Variants in LRFN5 observed in about 807,000 individuals in gnomAD.
The protein encoded by LRFN5 is leucine-rich repeat and fibronectin type-III domain-containing protein 5.
Under a neutral mutation model 45.6 loss-of-function variants are expected in LRFN5, and 24 were observed. The ratio of observed to expected loss-of-function variants is 0.53; its 90% CI spans 0.38 to 0.74. The LOEUF (loss-of-function observed/expected upper bound fraction) is 0.74, where lower values mean the gene tolerates loss of function less well. Among genes scored for constraint, LRFN5 ranks in the 30% least tolerant of loss-of-function variants. LRFN5 has a pLI of 0.00. For synonymous variants in LRFN5, 340 were observed against 313.8 expected (o/e 1.08, Z -0.88); for missense variants, 776 against 861.5 (o/e 0.90, Z 1.24).
At chr14:41,822,899 T>C (rs1888168662) in intron 2 of LRFN5, among the ~76,000 whole-genome samples, 1 of 149,996 alleles carries the variant, frequency 6.7e-6, no homozygotes, top group Non-Finnish European at 1.5e-5. Flanking sequence ...ATTATATAAT[T>C]ATCTTCTGTG....
intron 2 of LRFN5, among the ~76,000 whole-genome samples, chr14:41,884,083 A>G (rs1351301931): frequency 6.6e-6 from 1 of 152,130 alleles, no homozygotes; most frequent in Non-Finnish European, 1.5e-5. Flanking sequence ...ACTGCCCCAC[A>G]AATTCAAGCC....
intron 1 of LRFN5, among the ~76,000 whole-genome samples, chr14:41,630,460 A>G (rs1888494284): frequency 6.6e-6 from 1 of 152,168 alleles, no homozygotes; most frequent in Admixed American, 6.5e-5. Context: ...CCTTAAAAAT[A>G]TGCTCTTGGA....
chr14:41,826,320 T>C (rs1888293360), intron 2 of LRFN5, among the ~76,000 whole-genome samples: 1 of 152,232 alleles, frequency 6.6e-6, no homozygotes, highest in Admixed American at 6.5e-5. Flanking sequence ...TCCTTACACA[T>C]GAAGTTCCAA....
intron 1 of LRFN5, chr14:41,700,375 AT>A (rs1024832630): frequency 5.9e-5 from 9 of 152,144 alleles, no homozygotes; most frequent in African/African-American, 1.7e-4. Flanking sequence ...GGGCAAAAAA[AT>A]ATCTGAAACT....
intron 2 of LRFN5, among the ~76,000 whole-genome samples, chr14:41,770,994 C>T (rs543046498): frequency 2.6e-5 from 4 of 152,020 alleles, no homozygotes; most frequent in South Asian, 2.1e-4. Flanking sequence ...GCCCCCTTCA[C>T]GCTTGCAGAT....
chr14:41,828,420 T>A (rs573776173), intron 2 of LRFN5, among the ~76,000 whole-genome samples: 14 of 152,146 alleles, frequency 9.2e-5, no homozygotes, highest in African/African-American at 3.4e-4. Context: ...TCACAACTTC[T>A]ACCCTAAAGC....
intron 1 of LRFN5, among the ~76,000 whole-genome samples, chr14:41,617,069 T>A (rs1182691793): frequency 6.6e-6 from 1 of 152,156 alleles, no homozygotes; most frequent in Admixed American, 6.6e-5. Flanking sequence ...AATAAGGACC[T>A]GAGGCTGAAT....
intron 1 of LRFN5, among the ~76,000 whole-genome samples, chr14:41,717,472 G>C (rs75055202): frequency 6.6e-6 from 1 of 152,206 alleles, no homozygotes; most frequent in South Asian, 2.1e-4. Context: ...TGAAGCACCA[G>C]CCTTAGAGTA....
At chr14:41,626,336 ATAAAT>A (rs1888331667) in intron 1 of LRFN5, among the ~76,000 whole-genome samples, 1 of 152,118 alleles carries the variant, frequency 6.6e-6, no homozygotes, top group East Asian at 1.9e-4. Flanking sequence ...TTTTCTATAA[ATAAAT>A]TAAAGAAATT....
chr14:41,743,172 T>G lies in LRFN5; in HGVS notation c.-196-23682T>G, dbSNP rs57372864. On this transcript the variant is annotated intron_variant, in intron 1 of 5. Transcript: ENST00000298119. ...TATCCTTGCTTGAGGAAATTTTGAT[T>G]TCATTGAAACATTTCATGTTGTGCA... Among the ~76,000 whole-genome samples, 236 of 152,288 alleles carry G rather than the reference T, an allele frequency of 1.5e-3. 1 individual carries two copies. The highest frequency in any genetic ancestry group is 5.4e-3 in the African/African-American group (226 of 41,570).
chr14:41,697,674 G>T (rs1882671682), intron 1 of LRFN5, among the ~76,000 whole-genome samples: 1 of 148,222 alleles, frequency 6.7e-6, no homozygotes, highest in Non-Finnish European at 1.5e-5. Context: ...TTTTTTGATA[G>T]GAGAGTTTCT....
chr14:41,615,265 T>C (rs1286011129), intron 1 of LRFN5, among the ~76,000 whole-genome samples: 1 of 152,122 alleles, frequency 6.6e-6, no homozygotes, highest in Non-Finnish European at 1.5e-5. Context: ...TGTATTATAA[T>C]TTTCTCCTTT....
intron 3 of LRFN5, among the ~76,000 whole-genome samples, chr14:41,889,250 G>T (rs959662680): frequency 1.3e-5 from 2 of 151,148 alleles, no homozygotes; most frequent in Non-Finnish European, 2.9e-5. Flanking sequence ...TTAAAGCATG[G>T]ACTAATAGGC....
chr14:41,681,153 T>C (rs1881866015), intron 1 of LRFN5, among the ~76,000 whole-genome samples: 1 of 152,120 alleles, frequency 6.6e-6, no homozygotes, highest in South Asian at 2.1e-4. Flanking sequence ...CCAAGAGTTA[T>C]TGGCCTTAGA....
chr14:41,762,268 A>G (rs1424571480), intron 1 of LRFN5, among the ~76,000 whole-genome samples: 1 of 152,036 alleles, frequency 6.6e-6, no homozygotes, highest in East Asian at 1.9e-4. Flanking sequence ...AGCAAGATTT[A>G]TGCTTTATTT....
At chr14:41,799,774 A>T (rs1274683518) in intron 2 of LRFN5, among the ~76,000 whole-genome samples, 2 of 152,002 alleles carry the variant, frequency 1.3e-5, no homozygotes, top group East Asian at 3.9e-4. Context: ...TTGGAAGTTG[A>T]GGAAGTGTGG....
chr14:41,619,754 A>T (rs766969995), intron 1 of LRFN5, among the ~76,000 whole-genome samples: 16 of 152,030 alleles, frequency 1.1e-4, no homozygotes, highest in Non-Finnish European at 1.5e-4. Context: ...CACTGCATAT[A>T]CTATGTGTAT....
intron 2 of LRFN5, among the ~76,000 whole-genome samples, chr14:41,879,903 G>A (rs1207325941): frequency 1.4e-5 from 2 of 145,412 alleles, no homozygotes; most frequent in Non-Finnish European, 3.0e-5. Flanking sequence ...TATCTTGCAG[G>A]GATCAATTTT....
At chr14:41,823,674 C>G (rs563221794) in intron 2 of LRFN5, among the ~76,000 whole-genome samples, 2 of 152,070 alleles carry the variant, frequency 1.3e-5, no homozygotes, top group South Asian at 4.1e-4. Flanking sequence ...TTTCTTGTAT[C>G]TTGATATTTA....
Sources: allele counts gnomAD v4.1 joint callset (sites outside exome capture counted in the v4.1 genomes callset), GRCh38; gene constraint gnomAD v4.1.1; transcripts MANE v1.5; gene names NCBI Gene and HGNC (gene_info 2026-07-23, HGNC 2026-07-21).